Variants in SOS2 observed in about 807,000 individuals in gnomAD.
SOS2 encodes son of sevenless homolog 2.
In SOS2, 65 loss-of-function variants were observed where a neutral mutation model predicts 148.2. The observed-to-expected ratio is 0.44, with a 90% CI of 0.36 to 0.54. The LOEUF is 0.54. SOS2 is among the 20% of genes least tolerant of loss of function. The pLI is 0.00. For synonymous variants in SOS2, 539 were observed against 537.1 expected, an observed-to-expected ratio of 1.00 and a Z score of -0.05; for missense variants, 1,341 against 1,590.2, an observed-to-expected ratio of 0.84 and a Z score of 2.67.
chr14:50,155,472 A>G (rs1022946294), intron 12 of SOS2, among the ~76,000 whole-genome samples: 1 of 152,078 alleles, frequency 6.6e-6, no homozygotes, highest in Non-Finnish European at 1.5e-5. Context: ...CTTTCTACCT[A>G]TCTAAAGCCT....
intron 10 of SOS2, among the ~76,000 whole-genome samples, 179 bp from the exon 11 acceptor site, chr14:50,158,825 A>C (rs2139624779): frequency 6.6e-6 from 1 of 152,216 alleles, no homozygotes; most frequent in East Asian, 1.9e-4. Flanking sequence ...ATACATAGAG[A>C]AATACTGACA....
chr14:50,223,804 G>C (rs144841778), intron 1 of SOS2, among the ~76,000 whole-genome samples: 2 of 152,226 alleles, frequency 1.3e-5, no homozygotes, highest in South Asian at 4.1e-4. Flanking sequence ...AGTGAGCTGT[G>C]ATCTTGCCAC....
chr14:50,149,817 C>T (rs1178134423), intron 14 of SOS2, among the ~76,000 whole-genome samples, 191 bp downstream of exon 14: 2 of 152,052 alleles, frequency 1.3e-5, no homozygotes, highest in East Asian at 3.8e-4. Flanking sequence ...GATTGCTAGT[C>T]CCCAGTCTAG....
chr14:50,210,434 C>T (rs1886830537), intron 1 of SOS2, among the ~76,000 whole-genome samples: 1 of 152,058 alleles, frequency 6.6e-6, no homozygotes, highest in Admixed American at 6.6e-5. Flanking sequence ...CCCAATAAAG[C>T]TCTGACAGTG....
intron 20 of SOS2, 86 bp from the exon 21 acceptor site, chr14:50,130,088 C>T: frequency 1.2e-6 from 1 of 805,430 alleles, no homozygotes; most frequent in Admixed American, 2.4e-5. Flanking sequence ...ATACGTAATA[C>T]ACAGTGCAGA....
At chr14:50,140,157 GA>G (rs773235777) in intron 16 of SOS2, 98 bp from the exon 17 acceptor site, 27 of 612,290 alleles carry the variant, frequency 4.4e-5, no homozygotes, top group Non-Finnish European at 6.8e-5. Context: ...AAATTATCTG[GA>G]AAACAATTTT....
intron 14 of SOS2, among the ~76,000 whole-genome samples, chr14:50,146,743 A>T (rs1483361256): frequency 6.6e-6 from 1 of 152,232 alleles, no homozygotes; most frequent in African/African-American, 2.4e-5. Flanking sequence ...CATCATCCAG[A>T]GACTGGATAA....
chr14:50,174,487 C>T lies in SOS2; in HGVS notation c.1035G>A (p.Val345=). The change falls in exon 8 of 23, where the codon GTG becomes GTA. Residue 345 remains valine, a synonymous_variant. Coordinates refer to ENST00000216373, the MANE Select transcript of SOS2 (RefSeq NM_006939.4). ...YVLPRLMLVP[V]YHCWHYFELL... ...ACTCAAAGTAGTGCCAACAGTGATACACTGGCACCAGCATAAGACGTGGAA... is the reference window on the plus strand; with the variant it reads ...ACTCAAAGTAGTGCCAACAGTGATATACTGGCACCAGCATAAGACGTGGAA... 1 of 1,609,474 alleles carries T rather than the reference C, an allele frequency of 6.2e-7. No individual in the cohort carries two copies. Among genetic ancestry groups the T allele is most frequent in the Non-Finnish European group, 8.5e-7 (1 of 1,176,798 alleles).
chr14:50,133,031 TAA>T (rs1289087568), intron 19 of SOS2, among the ~76,000 whole-genome samples: 2 of 152,060 alleles, frequency 1.3e-5, no homozygotes, highest in African/African-American at 2.4e-5. Context: ...GTTAATAATG[TAA>T]AAGAGACTGC....
intron 9 of SOS2, among the ~76,000 whole-genome samples, chr14:50,160,725 T>A (rs1463508143): frequency 6.6e-6 from 1 of 152,092 alleles, no homozygotes; most frequent in African/African-American, 2.4e-5. Flanking sequence ...GTTGGCCAGG[T>A]GCAGTGGCTC....
intron 21 of SOS2, among the ~76,000 whole-genome samples, chr14:50,127,170 TCA>T (rs1160848367): frequency 1.5e-5 from 2 of 137,140 alleles, no homozygotes; most frequent in Non-Finnish European, 3.1e-5. Flanking sequence ...AGACAGAGTC[TCA>T]CTCTGTCGCC....
chr14:50,204,901 T>TTTCTC, intron 1 of SOS2, among the ~76,000 whole-genome samples: 1 of 2,476 alleles, frequency 4.0e-4, no homozygotes, highest in Non-Finnish European at 1.0e-3. Flanking sequence ...TTTTTTTTTC[T>TTTCTC]TTCTTTTTTT....
intron 16 of SOS2, 104 bp downstream of exon 16, chr14:50,145,066 A>G: frequency 1.9e-6 from 1 of 534,558 alleles, no homozygotes; most frequent in Non-Finnish European, 3.1e-6. Context: ...AGCAAGGATG[A>G]ATTTACAAAG....
intron 19 of SOS2, 62 bp from the exon 20 acceptor site, chr14:50,130,824 CT>C: frequency 7.0e-7 from 1 of 1,432,768 alleles, no homozygotes; most frequent in Non-Finnish European, 9.5e-7. Context: ...GTTTCTGTGA[CT>C]TAGAGCTACC....
At chr14:50,216,591 T>A (rs1352264393) in intron 1 of SOS2, among the ~76,000 whole-genome samples, 1 of 151,870 alleles carries the variant, frequency 6.6e-6, no homozygotes, top group Non-Finnish European at 1.5e-5. Context: ...AAACCCCGTC[T>A]GTACTAAAAG....
chr14:50,188,369 C>T (rs1885994733), intron 5 of SOS2, 128 bp downstream of exon 5: 2 of 651,542 alleles, frequency 3.1e-6, no homozygotes. Context: ...GATCACGCCA[C>T]TGCACTCCAG....
intron 3 of SOS2, among the ~76,000 whole-genome samples, 180 bp downstream of exon 3, chr14:50,200,773 C>T (rs926221846): frequency 5.3e-5 from 8 of 151,914 alleles, no homozygotes; most frequent in African/African-American, 1.7e-4. Context: ...CCAATTTCAC[C>T]AGAGCATAAT....
intron 8 of SOS2, among the ~76,000 whole-genome samples, chr14:50,172,495 G>A (rs540658526): frequency 4.5e-4 from 60 of 134,228 alleles, no homozygotes; most frequent in African/African-American, 1.7e-3. Flanking sequence ...TGAGTAGCTG[G>A]GATTACAGGC....
chr14:50,133,980 C>CT (rs147458500), intron 19 of SOS2, 143 bp downstream of exon 19: 1 of 636,666 alleles, frequency 1.6e-6, no homozygotes, highest in Non-Finnish European at 2.8e-6. Context: ...TTTCCCCCCC[C>CT]AGTTTTAGAA....
Sources: allele counts gnomAD v4.1 joint callset (sites outside exome capture counted in the v4.1 genomes callset), GRCh38; gene constraint gnomAD v4.1.1; transcripts MANE v1.5; gene names NCBI Gene and HGNC (gene_info 2026-07-23, HGNC 2026-07-21).